LAMB2: variants seen among roughly 807,000 people sequenced by gnomAD.
The protein encoded by LAMB2 is laminin subunit beta-2.
LAMB2 carries 119 observed loss-of-function variants against 202.7 expected under a neutral mutation model. The ratio of observed to expected loss-of-function variants is 0.59; its 90% confidence interval spans 0.51 to 0.68. The LOEUF is 0.68. Ranked by LOEUF, LAMB2 falls within the 30% of genes least tolerant of loss-of-function variation. The pLI is 0.00. For missense variants in LAMB2, 2,124 were observed against 2,410.6 expected (o/e 0.88, Z 2.49); for synonymous variants, 818 against 902.2 (o/e 0.91, Z 1.67).
At position 49,131,169 on chromosome 3, in the gene LAMB2, G is replaced by A; in HGVS notation, c.713-17C>T. The A allele has an allele frequency of 6.2e-7, 1 of 1,611,772 alleles. No homozygotes were observed. The highest frequency in any genetic ancestry group is 8.5e-7 in the Non-Finnish European group (1 of 1,179,062). The stretch of plus-strand genomic sequence containing the variant: ...TCAACAGGTCTGAGGCGGGGGAAGG[G>A]GGGCCAACTGACCAGGCAGGCCCTT... On this transcript the variant is annotated splice_polypyrimidine_tract_variant and intron_variant, in intron 6 of 31. Transcript: ENST00000305544. The surrounding 1 kb of genome is among the most constrained non-coding windows in gnomAD (Gnocchi z 5.0).
At position 49,130,749 on chromosome 3, in the gene LAMB2, C is replaced by CGGCT; in HGVS notation, c.1026_1027insAGCC (p.Ala343SerfsTer4). ...CCAAGATCTCACTCACTCCTACAGG[C>CGGCT]ATGACTATGGCCGTCCTCAGCCGGA... On this transcript the variant is annotated frameshift_variant, in exon 8 of 32. Transcript: ENST00000305544. LOFTEE classifies it high-confidence loss of function. The surrounding 1 kb of genome is among the most constrained non-coding windows in gnomAD (Gnocchi z 5.0). 6.2e-7 allele frequency: 1 copy of CGGCT among 1,614,040 alleles called. No individual in the cohort carries two copies.
At position 49,125,966 on chromosome 3, in the gene LAMB2, C is replaced by T. The variant is rs140068188; in HGVS notation, c.2344+1G>A. ...CATCAACCCACATCACAGACACTCA[C>T]GCAGGGCACCATTGTAGATGAGGGT... On this transcript the variant is annotated splice_donor_variant, in intron 17 of 31. Transcript: ENST00000305544. LOFTEE classifies it high-confidence loss of function. The T allele has an allele frequency of 6.8e-6, 11 of 1,614,026 alleles. No individual in the cohort carries two copies. Among genetic ancestry groups the T allele is most frequent in the Non-Finnish European group, 8.5e-6 (10 of 1,180,018 alleles).
At chr3:49,124,121 CAG>C in intron 23 of LAMB2, 21 bp from the exon 24 acceptor site, 2 of 1,614,178 alleles carry the variant, frequency 1.2e-6, no homozygotes, top group Admixed American at 1.7e-5. Context: ...GAGCAGAGCA[CAG>C]AGTTAGGGTC....
In LAMB2 at chr3:49,124,575, C is replaced by A; in HGVS notation, c.3147G>T (p.Gln1049His). 1 of 1,613,824 alleles carries A rather than the reference C, an allele frequency of 6.2e-7. No homozygotes were observed. Among genetic ancestry groups the A allele is most frequent in the South Asian group, 1.1e-5 (1 of 91,062 alleles). ...AGTGGCACTGGTCAGGAGATGGGCA[C>A]TGCTGCGGATTTGTGCCCAGCAGGT... The part of the protein sequence containing the change: ...TCNLLGTNPQ[Q>H]CPSPDQCHCD... Residue 1049 changes from glutamine to histidine, a missense_variant, in exon 22 of 32, where the codon CAG (glutamine) becomes CAT (histidine). This residue lies in a region of LAMB2 where 1,702 missense variants were observed against 1,896.3 expected (regional missense o/e 0.90). Transcript: ENST00000305544.
Position 49,132,523 on chromosome 3 carries a change from G to T in LAMB2, c.217C>A (p.Pro73Thr), listed in dbSNP as rs1409779718. ...TASSTCGLNG[P>T]QPYCIVSHLQ... ...TGACTGACGATGCAGTAGGGCTGGGGGCCATTCAGGCCACAAGTGGATGAG... is the reference window on the plus strand; with the variant it reads ...TGACTGACGATGCAGTAGGGCTGGGTGCCATTCAGGCCACAAGTGGATGAG... The change falls in exon 2 of 32, where the codon CCC becomes ACC. Residue 73 changes from proline (P) to threonine (T), a missense_variant. Transcript: ENST00000305544. The surrounding 1 kb of genome is among the most constrained non-coding windows in gnomAD (Gnocchi z 4.6). The T allele has an allele frequency of 6.2e-7, 1 of 1,613,630 alleles. No homozygotes were observed. Among genetic ancestry groups the T allele is most frequent in the Non-Finnish European group, 8.5e-7 (1 of 1,180,034 alleles).
intron 15 of LAMB2, 57 bp from the exon 16 acceptor site, chr3:49,126,554 C>T (rs1330320519): frequency 2.8e-5 from 45 of 1,607,980 alleles, no homozygotes; most frequent in South Asian, 2.0e-4. Context: ...TACAAATCAT[C>T]TGGGCCTCCC....
chr3:49,121,655 C>T, intron 30 of LAMB2, 29 bp downstream of exon 30: 3 of 1,614,024 alleles, frequency 1.9e-6, no homozygotes, highest in East Asian at 2.2e-5. Flanking sequence ...CCACCCCTAC[C>T]TTCTCCAGCT....
rs1403836886 is a variant in LAMB2 at position 49,131,873 on chromosome 3, A to G, written c.460-150T>C. On this transcript the variant is annotated intron_variant, in intron 4 of 31. Coordinates refer to ENST00000305544, the MANE Select transcript of LAMB2 (RefSeq NM_002292.4). This position sits in a 1 kb window ranked among gnomAD's most constrained non-coding sequence, Gnocchi z 5.0. ...AAGCCAGATAATGACCAGCAAAGGT[A>G]GCCACCTCTAATGGGGAGACTCAGG... The G allele has an allele frequency of 1.1e-6, 1 of 941,344 alleles. No individual in the cohort carries two copies. The highest frequency in any genetic ancestry group is 1.6e-6 in the Non-Finnish European group (1 of 609,218). 58.3% of individuals were successfully genotyped at this position (941,344 alleles called of 1,614,324 possible).
At position 49,131,026 on chromosome 3, in the gene LAMB2, C is replaced by G; in HGVS notation, c.839G>C (p.Arg280Pro). The part of the protein sequence containing the change: ...YYYALYELVV[R>P]GNCFCYGHAS... ...GTGTCCGTAGCAGAAGCAGTTGCCA[C>G]GTACAACCAGCTCATAGAGGGCATA... Residue 280 changes from arginine to proline, a missense_variant, in exon 7 of 32, where the codon CGT becomes CCT. By Grantham distance (103) the Arg-to-Pro change is moderately radical (BLOSUM62 -2). Transcript: ENST00000305544. This position sits in a 1 kb window ranked among gnomAD's most constrained non-coding sequence, Gnocchi z 5.0. The G allele has an allele frequency of 6.2e-7, 1 of 1,613,952 alleles. No homozygotes were observed. Among genetic ancestry groups the G allele is most frequent in the Non-Finnish European group, 8.5e-7 (1 of 1,180,028 alleles).
rs1307203215 is a variant in LAMB2 at position 49,124,747 on chromosome 3, G to A, written c.3063C>T (p.His1021=). ...LHHTEGPHCA[H]CKPGFHGQAA... ...CCTGCCCATGGAAGCCAGGCTTGCAGTGGGCACAGTGTGGACCCTCTGTGT... is the reference window on the plus strand; with the variant it reads ...CCTGCCCATGGAAGCCAGGCTTGCAATGGGCACAGTGTGGACCCTCTGTGT... Residue 1021 remains histidine, a synonymous_variant, in exon 21 of 32, where the codon CAC becomes CAT. Coordinates refer to ENST00000305544, the MANE Select transcript of LAMB2 (RefSeq NM_002292.4). 2.5e-6 allele frequency: 4 copies of A among 1,614,246 alleles called. No individual in the cohort carries two copies. Among genetic ancestry groups the A allele is most frequent in the Non-Finnish European group, 3.4e-6 (4 of 1,180,052 alleles).
In LAMB2 at chr3:49,132,521, G is replaced by A. The variant is rs1178877002; in HGVS notation, c.219C>T (p.Pro73=). The A allele has an allele frequency of 1.2e-6, 2 of 1,613,714 alleles. No individual in the cohort carries two copies. Among genetic ancestry groups the A allele is most frequent in the African/African-American group, 1.3e-5 (1 of 74,938 alleles). The change falls in exon 2 of 32, where the codon CCC becomes CCT. Residue 73 remains proline, a synonymous_variant. Transcript: ENST00000305544. The surrounding 1 kb of genome is among the most constrained non-coding windows in gnomAD (Gnocchi z 4.6). ...TASSTCGLNG[P]QPYCIVSHLQ... ...GGTGACTGACGATGCAGTAGGGCTGGGGGCCATTCAGGCCACAAGTGGATG... is the reference window on the plus strand; with the variant it reads ...GGTGACTGACGATGCAGTAGGGCTGAGGGCCATTCAGGCCACAAGTGGATG...
rs2045455119 is a variant in LAMB2, at chr3:49,129,159, G to A, written c.1599-7C>T. Reference sequence around the variant, plus strand: ...ACCTGTGCCCTCATCACACCTGGAGGGAACTCTGTGGTTACTCAAGAAGAA... The same window carrying A: ...ACCTGTGCCCTCATCACACCTGGAGAGAACTCTGTGGTTACTCAAGAAGAA... On this transcript the variant is annotated splice_polypyrimidine_tract_variant and splice_region_variant and intron_variant, in intron 12 of 31. Coordinates refer to ENST00000305544, the MANE Select transcript of LAMB2 (RefSeq NM_002292.4). This position sits in a 1 kb window ranked among gnomAD's most constrained non-coding sequence, Gnocchi z 6.1. The A allele has an allele frequency of 6.2e-7, 1 of 1,614,108 alleles. No individual in the cohort carries two copies. Among genetic ancestry groups the A allele is most frequent in the Non-Finnish European group, 8.5e-7 (1 of 1,180,042 alleles).
In LAMB2 at chr3:49,123,124, A is replaced by G. The variant is rs1417484328; in HGVS notation, c.4224+8T>C. On this transcript the variant is annotated splice_region_variant and intron_variant, in intron 26 of 31. Transcript: ENST00000305544. Reference sequence around the variant, plus strand: ...ACCCACCTGCCCCACCCAACACTTCAACCTCACCAGCTCATTTATGTCTGT... The same window carrying G: ...ACCCACCTGCCCCACCCAACACTTCGACCTCACCAGCTCATTTATGTCTGT... 3 of 1,610,376 alleles carry G rather than the reference A, an allele frequency of 1.9e-6. No homozygotes were observed. Among genetic ancestry groups the G allele is most frequent in the Admixed American group, 3.3e-5 (2 of 59,996 alleles).
At position 49,129,214 on chromosome 3, in the gene LAMB2, TC is replaced by T. The variant is rs755271326; in HGVS notation, c.1598+30del. On this transcript the variant is annotated intron_variant, in intron 12 of 31. Transcript: ENST00000305544. The surrounding 1 kb of genome is among the most constrained non-coding windows in gnomAD (Gnocchi z 6.1). ...CTCTTCTGCTCAGGATCTTTCCCCA[TC>T]CCTTCCCAGGCCCCCTTTACAACAC... The T allele has an allele frequency of 4.3e-5, 70 of 1,613,954 alleles. No homozygotes were observed. Among genetic ancestry groups the T allele is most frequent in the Non-Finnish European group, 5.8e-5 (68 of 1,180,014 alleles).
At position 49,129,337 on chromosome 3, in the gene LAMB2, A is replaced by G. The variant is rs960653687; in HGVS notation, c.1519-13T>C. On this transcript the variant is annotated splice_polypyrimidine_tract_variant and intron_variant, in intron 11 of 31. Coordinates refer to ENST00000305544, the MANE Select transcript of LAMB2 (RefSeq NM_002292.4). The surrounding 1 kb of genome is among the most constrained non-coding windows in gnomAD (Gnocchi z 6.1). ...CCCAGTGGCCAGGCTGCACGAAAGGAGTTGCTGGGGGCCAGAAACAGACCT... is the reference window on the plus strand; with the variant it reads ...CCCAGTGGCCAGGCTGCACGAAAGGGGTTGCTGGGGGCCAGAAACAGACCT... 4 of 1,610,040 alleles carry G rather than the reference A, an allele frequency of 2.5e-6. No homozygotes were observed. The highest frequency in any genetic ancestry group is 3.3e-5 in the Admixed American group (2 of 59,878).
At position 49,129,792 on chromosome 3, in the gene LAMB2, G is replaced by A. The variant is rs764554255; in HGVS notation, c.1405+47C>T. On this transcript the variant is annotated intron_variant, in intron 10 of 31. Coordinates refer to ENST00000305544, the MANE Select transcript of LAMB2 (RefSeq NM_002292.4). This position sits in a 1 kb window ranked among gnomAD's most constrained non-coding sequence, Gnocchi z 6.1. The stretch of plus-strand genomic sequence containing the variant: ...TGTTCAGCTGAGTCAGGAGTAAGAG[G>A]ACAGGGGTTAAAGGTCAGCATAGAA... 7 of 1,611,276 alleles carry A rather than the reference G, an allele frequency of 4.3e-6. No individual in the cohort carries two copies. In the African/African-American group the frequency reaches 5.3e-5, roughly 12 times the overall value.
chr3:49,122,336 C>T lies in LAMB2; in HGVS notation c.4608G>A (p.Val1536=). ...TGGAGAGCTCTAGCACCCGTGTGGC[C>T]ACCATTTCAATGCTATCAGGATCAG... The part of the protein sequence containing the change: ...EGADPDSIEM[V]ATRVLELSIP... The change falls in exon 28 of 32, where the codon GTG becomes GTA. Residue 1536 remains valine, a synonymous_variant. Coordinates refer to ENST00000305544, the MANE Select transcript of LAMB2 (RefSeq NM_002292.4). 3 of 1,613,462 alleles carry T rather than the reference C, an allele frequency of 1.9e-6. No homozygotes were observed.
At position 49,131,551 on chromosome 3, in the gene LAMB2, G is replaced by A. The variant is rs2045482087; in HGVS notation, c.632C>T (p.Pro211Leu). 3 of 1,613,872 alleles carry A rather than the reference G, an allele frequency of 1.9e-6. No individual in the cohort carries two copies. The highest frequency in any genetic ancestry group is 1.7e-6 in the Non-Finnish European group (2 of 1,180,046). The change falls in exon 5 of 32, where the codon CCA becomes CTA. Residue 211 changes from proline (P) to leucine (L), a missense_variant. Pro to Leu is a moderately conservative substitution (Grantham distance 98). Transcript: ENST00000305544. The surrounding 1 kb of genome is among the most constrained non-coding windows in gnomAD (Gnocchi z 5.0). ...VCESRYSEIE[P>L]STEGEVIYRV... ...AGCCCTCACCTCGCCTTCAGTGGAT[G>A]GCTCAATCTCTGAGTAGCGGGACTC...
At chr3:49,122,605 G>T in intron 27 of LAMB2, 99 bp downstream of exon 27, 1 of 1,082,604 alleles carries the variant, frequency 9.2e-7, no homozygotes, top group Non-Finnish European at 1.4e-6. Flanking sequence ...CACTAATCCA[G>T]TGTAGTCCCT....
Sources: allele counts gnomAD v4.1 joint callset, GRCh38; gene constraint gnomAD v4.1.1; regional missense constraint gnomAD v4.1.1; non-coding constraint Gnocchi (gnomAD v3.1); transcripts MANE v1.5; gene names NCBI Gene and HGNC (gene_info 2026-07-23, HGNC 2026-07-21).